BCKDHB: variants seen among roughly 807,000 people sequenced by gnomAD.
BCKDHB encodes branched chain keto acid dehydrogenase E1 subunit beta, also known as 2-oxoisovalerate dehydrogenase subunit beta, mitochondrial.
Under a neutral mutation model 48.5 loss-of-function variants are expected in BCKDHB, and 41 were observed. The ratio of observed to expected loss-of-function variants is 0.85; its 90% CI spans 0.66 to 1.10. The LOEUF (loss-of-function observed/expected upper bound fraction) is 1.10, where lower values mean the gene tolerates loss of function less well. Among genes scored for constraint, BCKDHB ranks in the 50% least tolerant of loss-of-function variants. The pLI is 0.00. For synonymous variants in BCKDHB, 201 were observed against 174.8 expected, an observed-to-expected ratio of 1.15 and a Z score of -1.18; for missense variants, 496 against 494.2, an observed-to-expected ratio of 1.00 and a Z score of -0.03.
chr6:80,396,789 C>A, the BCKDHB span, among the ~76,000 whole-genome samples: 106 of 152,236 alleles, frequency 7.0e-4, no homozygotes, highest in African/African-American at 2.3e-3. Context: ...GTTTACTTCC[C>A]CTTTTGTCAT....
intron 1 of BCKDHB, among the ~76,000 whole-genome samples, chr6:80,116,046 A>C (rs182100379): frequency 6.6e-6 from 1 of 152,214 alleles, no homozygotes; most frequent in African/African-American, 2.4e-5. Context: ...TCATAGCTGT[A>C]TATTTTTATG....
intron 8 of BCKDHB, among the ~76,000 whole-genome samples, chr6:80,239,933 G>C (rs1242128430): frequency 6.6e-6 from 1 of 152,162 alleles, no homozygotes; most frequent in African/African-American, 2.4e-5. Flanking sequence ...TGTTACTTCT[G>C]AGGGCTCTGT....
At chr6:80,123,633 G>T (rs1235496090) in intron 1 of BCKDHB, among the ~76,000 whole-genome samples, 1 of 151,964 alleles carries the variant, frequency 6.6e-6, no homozygotes, top group East Asian at 1.9e-4. Context: ...GGGTGTATGT[G>T]TCCAGGAATT....
In BCKDHB at chr6:80,226,310, G is replaced by A. The variant is rs550220348; in HGVS notation, c.951+23098G>A. Among the ~76,000 whole-genome samples, 3 of 152,296 alleles carry A rather than the reference G, an allele frequency of 2.0e-5. No homozygotes were observed. The East Asian group carries it at 5.8e-4, about 29-fold the overall frequency. On this transcript the variant is annotated intron_variant, in intron 8 of 9. Transcript: ENST00000320393. ...GAAGATTCTTGTGTTACAAGGAAAG[G>A]ATGTTAAAAAACCAGAATCTCTCAG...
intron 9 of BCKDHB, among the ~76,000 whole-genome samples, chr6:80,316,418 T>A (rs964436177): frequency 6.6e-6 from 1 of 152,170 alleles, no homozygotes; most frequent in Admixed American, 6.5e-5. Context: ...TTGCATCGAC[T>A]TTATTTCAGT....
the BCKDHB span, among the ~76,000 whole-genome samples, chr6:80,456,328 T>C: frequency 3.3e-5 from 5 of 151,992 alleles, no homozygotes; most frequent in African/African-American, 1.2e-4. Flanking sequence ...AAAAGAACAA[T>C]TGCAACAACA....
At chr6:80,152,784 T>A (rs1199454413) in intron 3 of BCKDHB, among the ~76,000 whole-genome samples, 2 of 152,224 alleles carry the variant, frequency 1.3e-5, no homozygotes, top group African/African-American at 4.8e-5. Context: ...GAGTTGGTCC[T>A]GTACTTCCAG....
chr6:80,361,280 A>C, the BCKDHB span, among the ~76,000 whole-genome samples: 1 of 152,122 alleles, frequency 6.6e-6, no homozygotes, highest in African/African-American at 2.4e-5. Flanking sequence ...TCTAATTCGA[A>C]GTTCCCAGGA....
intron 9 of BCKDHB, among the ~76,000 whole-genome samples, chr6:80,293,102 C>G (rs1767018865): frequency 6.6e-6 from 1 of 152,114 alleles, no homozygotes; most frequent in African/African-American, 2.4e-5. Context: ...AGTATATCTA[C>G]CATTTTGGGG....
At chr6:80,380,700 T>C in the BCKDHB span, among the ~76,000 whole-genome samples, 2 of 151,856 alleles carry the variant, frequency 1.3e-5, no homozygotes, top group Admixed American at 6.6e-5. Context: ...AAAGGACTTA[T>C]ATCCAGAATC....
chr6:80,113,296 CA>C (rs1769511497), intron 1 of BCKDHB, among the ~76,000 whole-genome samples: 1 of 152,202 alleles, frequency 6.6e-6, no homozygotes, highest in African/African-American at 2.4e-5. Context: ...CCTTGGCCTT[CA>C]GGTAACACTG....
At chr6:80,271,200 T>G (rs1777726556) in intron 8 of BCKDHB, among the ~76,000 whole-genome samples, 1 of 152,134 alleles carries the variant, frequency 6.6e-6, no homozygotes, top group African/African-American at 2.4e-5. Context: ...AATATAAGAT[T>G]ATATCGTCCT....
chr6:80,176,771 A>G (rs1168367997), intron 6 of BCKDHB, among the ~76,000 whole-genome samples: 2 of 152,204 alleles, frequency 1.3e-5, no homozygotes, highest in Admixed American at 1.3e-4. Context: ...TTGGAAGGAA[A>G]CAAAATCCTC....
At chr6:80,155,957 A>G (rs1772026293) in intron 3 of BCKDHB, among the ~76,000 whole-genome samples, 1 of 151,394 alleles carries the variant, frequency 6.6e-6, no homozygotes, top group Non-Finnish European at 1.5e-5. Flanking sequence ...CATTTGCCAC[A>G]GCTCCATGGA....
intron 3 of BCKDHB, among the ~76,000 whole-genome samples, chr6:80,144,893 T>C (rs559320884): frequency 6.6e-6 from 1 of 152,152 alleles, no homozygotes; most frequent in South Asian, 2.1e-4. Context: ...GTTTAAATTG[T>C]CTTGTAGCAG....
the BCKDHB span, among the ~76,000 whole-genome samples, chr6:80,387,926 G>A: frequency 3.3e-5 from 5 of 152,212 alleles, no homozygotes; most frequent in Non-Finnish European, 7.3e-5. Context: ...GCATGCCAGA[G>A]GATGGGAAAT....
At chr6:80,260,153 C>CAT (rs1451453008) in intron 8 of BCKDHB, among the ~76,000 whole-genome samples, 2 of 151,952 alleles carry the variant, frequency 1.3e-5, no homozygotes, top group Non-Finnish European at 2.9e-5. Context: ...GTTGCCTGGC[C>CAT]CAGCTGCCAA....
At chr6:80,124,778 G>T (rs1056603755) in intron 1 of BCKDHB, among the ~76,000 whole-genome samples, 12 of 152,102 alleles carry the variant, frequency 7.9e-5, no homozygotes, top group Non-Finnish European at 1.6e-4. Context: ...TGAGCAGTAG[G>T]TTTCAACAGT....
intron 9 of BCKDHB, among the ~76,000 whole-genome samples, chr6:80,320,656 C>T (rs1768673029): frequency 6.6e-6 from 1 of 152,156 alleles, no homozygotes; most frequent in South Asian, 2.1e-4. Flanking sequence ...AATTTGTGCT[C>T]CTAATATTTG....
Sources: gnomAD v4.1 joint callset for allele counts (sites outside exome capture counted in the v4.1 genomes callset) on GRCh38, gnomAD v4.1.1 for gene constraint, MANE v1.5 for transcripts, NCBI Gene and HGNC (gene_info 2026-07-23, HGNC 2026-07-21) for gene names.